The following TARS1 variants were observed in gnomAD, a reference collection of about 807,000 sequenced individuals.
TARS1 encodes threonyl-tRNA synthetase 1, also known as threonine--tRNA ligase 1, cytoplasmic.
A neutral mutation model predicts 97.7 loss-of-function variants in TARS1; 57 were observed. The observed-to-expected ratio is 0.58, with a 90% CI of 0.47 to 0.73. TARS1 has a LOEUF of 0.73. Ranked by LOEUF, TARS1 falls within the 30% of genes least tolerant of loss-of-function variation. The pLI is 0.00. For synonymous variants in TARS1, 312 were observed against 293.7 expected (o/e 1.06, Z -0.64); for missense variants, 806 against 888.3 (o/e 0.91, Z 1.18).
intron 3 of TARS1, among the ~76,000 whole-genome samples, chr5:33,449,287 A>G (rs2642668): frequency 2.6e-5 from 4 of 150,982 alleles, no homozygotes; most frequent in Non-Finnish European, 5.9e-5. Context: ...TCAGTTTATC[A>G]AAATAAGAGT....
At position 33,448,528 on chromosome 5, in the gene TARS1, T is replaced by G. The variant is rs1160047402; in HGVS notation, c.139-13T>G. On this transcript the variant is annotated splice_polypyrimidine_tract_variant and intron_variant, in intron 2 of 18. Transcript: ENST00000265112. ...CTGATCATTTATTTCCTGATTTGTT[T>G]GTTGTCTTGCAGTTGAATCCTTGGC... 1.9e-6 allele frequency: 3 copies of G among 1,545,458 alleles called. No individual in the cohort carries two copies. The highest frequency in any genetic ancestry group is 2.8e-5 in the African/African-American group (2 of 72,308).
intron 4 of TARS1, among the ~76,000 whole-genome samples, chr5:33,454,078 C>T (rs1407151508): frequency 6.6e-6 from 1 of 152,216 alleles, no homozygotes; most frequent in Admixed American, 6.5e-5. Flanking sequence ...TTGAACCTTA[C>T]TTCAAAGCAC....
intron 2 of TARS1, chr5:33,446,276 T>A: frequency 4.1e-6 from 1 of 246,328 alleles, no homozygotes; most frequent in Non-Finnish European, 8.2e-6. Context: ...TACCTAACCA[T>A]TTATCTTACG....
intron 12 of TARS1, 23 bp downstream of exon 12, chr5:33,461,087 T>C: frequency 6.2e-7 from 1 of 1,609,204 alleles, no homozygotes. Flanking sequence ...GGGAATAAAA[T>C]ACTTAGAAAG....
At chr5:33,452,485 A>G in intron 3 of TARS1, 1 of 1,429,684 alleles carries the variant, frequency 7.0e-7, no homozygotes, top group Non-Finnish European at 9.5e-7. Flanking sequence ...TCTGACCTGT[A>G]CTGCTTTCCC....
At chr5:33,442,280 GA>G (rs1256848723) in intron 1 of TARS1, among the ~76,000 whole-genome samples, 2 of 140,584 alleles carry the variant, frequency 1.4e-5, no homozygotes, top group Admixed American at 7.0e-5. Flanking sequence ...ACTATACGTA[GA>G]TTTTTTTCAC....
intron 3 of TARS1, among the ~76,000 whole-genome samples, chr5:33,452,714 A>G (rs1252187832): frequency 6.6e-6 from 1 of 152,180 alleles, no homozygotes; most frequent in African/African-American, 2.4e-5. Context: ...TCTGTCAAAG[A>G]AAGGATCTGG....
intron 3 of TARS1, chr5:33,452,403 C>T: frequency 1.3e-6 from 2 of 1,535,240 alleles, no homozygotes; most frequent in Non-Finnish European, 1.7e-6. Flanking sequence ...GTGGCCATTC[C>T]CTCATCTGGA....
At chr5:33,452,217 C>G in intron 3 of TARS1, 1 of 738,882 alleles carries the variant, frequency 1.4e-6, no homozygotes, top group Non-Finnish European at 2.3e-6. Context: ...AGGGTGTATA[C>G]TTTTTCTTCA....
intron 4 of TARS1, among the ~76,000 whole-genome samples, chr5:33,453,857 T>C (rs1741881085): frequency 6.6e-6 from 1 of 151,842 alleles, no homozygotes; most frequent in African/African-American, 2.4e-5. Context: ...GTAGCTGGGA[T>C]TATAGGAGCG....
At position 33,467,611 on chromosome 5, in the gene TARS1, A is replaced by T; in HGVS notation, c.2075A>T (p.Asp692Val). Reference sequence around the variant, plus strand: ...GGCACTGTTAATATCCGCACAAGAGACAATAAGGTCCACGGGGAACGCACC... The same window carrying T: ...GGCACTGTTAATATCCGCACAAGAGTCAATAAGGTCCACGGGGAACGCACC... Reference protein sequence around the residue: ...ISGTVNIRTRDNKVHGERTIS... With the variant: ...ISGTVNIRTRVNKVHGERTIS... Residue 692 changes from aspartate (D) to valine (V), a missense_variant, in exon 19 of 19, where the codon GAC becomes GTC. Asp to Val is a radical substitution (Grantham distance 152). Coordinates refer to ENST00000265112, the MANE Select transcript of TARS1 (RefSeq NM_152295.5). 6.2e-7 allele frequency: 1 copy of T among 1,613,980 alleles called. No individual in the cohort carries two copies. The highest frequency in any genetic ancestry group is 8.5e-7 in the Non-Finnish European group (1 of 1,179,944).
chr5:33,452,362 CCT>C, intron 3 of TARS1: 1 of 1,535,462 alleles, frequency 6.5e-7, no homozygotes, highest in Non-Finnish European at 8.7e-7. Context: ...CCTGCAAAAA[CCT>C]CTCTTCACTT....
rs768072330 is a variant in TARS1, at chr5:33,455,069, A to G, written c.575+3A>G. On this transcript the variant is annotated splice_donor_region_variant and intron_variant, in intron 5 of 18. Coordinates refer to ENST00000265112, the MANE Select transcript of TARS1 (RefSeq NM_152295.5). Reference sequence around the variant, plus strand: ...TATGACATGTACCTCGAAGAAGGGTAAGCCATCAACTAGATAAAGAAAACT... The same window carrying G: ...TATGACATGTACCTCGAAGAAGGGTGAGCCATCAACTAGATAAAGAAAACT... The G allele has an allele frequency of 8.7e-6, 14 of 1,613,322 alleles. No individual in the cohort carries two copies. Among genetic ancestry groups the G allele is most frequent in the African/African-American group, 1.3e-5 (1 of 74,872 alleles).
In TARS1 at chr5:33,467,050, A is replaced by G; in HGVS notation, c.2023+65A>G. ...CAGGAAAATCTACTGAAACCTTGAG[A>G]CAGGTTTAAGTGAATTGTAATCAAG... On this transcript the variant is annotated intron_variant, in intron 18 of 18. Coordinates refer to ENST00000265112, the MANE Select transcript of TARS1 (RefSeq NM_152295.5). The G allele has an allele frequency of 4.2e-6, 4 of 961,810 alleles. No homozygotes were observed. In the South Asian group the frequency reaches 8.1e-5, roughly 19 times the overall value. The allele number at this position is 961,810 out of a possible 1,614,324, so 59.6% of individuals were successfully genotyped here.
chr5:33,451,325 A>C (rs1053786380), intron 3 of TARS1, among the ~76,000 whole-genome samples: 16 of 151,976 alleles, frequency 1.1e-4, no homozygotes, highest in Non-Finnish European at 2.2e-4. Context: ...CAAAAAAGAC[A>C]TGTTCCATTT....
In TARS1 at chr5:33,448,722, G is replaced by A; in HGVS notation, c.320G>A (p.Cys107Tyr). 6.2e-7 allele frequency: 1 copy of A among 1,612,668 alleles called. No homozygotes were observed. Among genetic ancestry groups the A allele is most frequent in the Non-Finnish European group, 8.5e-7 (1 of 1,179,364 alleles). Reference protein sequence around the residue: ...SWKTTPYQIACGISQGLADNT... With the variant: ...SWKTTPYQIAYGISQGLADNT... ...AAAACTACACCATATCAAATTGCCT[G>A]TGGAATTAGGTATAAGCTACACCCA... The change falls in exon 3 of 19, where the codon TGT becomes TAT. Residue 107 changes from cysteine to tyrosine, a missense_variant. By Grantham distance (194) the Cys-to-Tyr change is radical (BLOSUM62 -2). This residue lies in a region of TARS1 where 356 missense variants were observed against 357.8 expected (regional missense o/e 0.99). Transcript: ENST00000265112.
chr5:33,447,499 G>A (rs1185701610), intron 2 of TARS1, among the ~76,000 whole-genome samples: 1 of 152,108 alleles, frequency 6.6e-6, no homozygotes, highest in Non-Finnish European at 1.5e-5. Context: ...CATCTGCCTT[G>A]GCCTCCCTAA....
rs376574670 is a variant in TARS1 at position 33,461,892 on chromosome 5, T to C, written c.1630-14T>C. 4 of 1,609,366 alleles carry C rather than the reference T, an allele frequency of 2.5e-6. No homozygotes were observed. Among genetic ancestry groups the C allele is most frequent in the Non-Finnish European group, 3.4e-6 (4 of 1,176,022 alleles). On this transcript the variant is annotated splice_polypyrimidine_tract_variant and intron_variant, in intron 14 of 18. Coordinates refer to ENST00000265112, the MANE Select transcript of TARS1 (RefSeq NM_152295.5). ...TCACTGGCATTTTATAATAACCCAGTCTTTGCTTCTTAGATTGACATACAG... is the reference window on the plus strand; with the variant it reads ...TCACTGGCATTTTATAATAACCCAGCCTTTGCTTCTTAGATTGACATACAG...
At chr5:33,459,111 T>G (rs997605447) in intron 10 of TARS1, among the ~76,000 whole-genome samples, 2 of 152,088 alleles carry the variant, frequency 1.3e-5, no homozygotes, top group African/African-American at 4.8e-5. Context: ...AAAAAAAAAT[T>G]AGTTGTTTAA....
Sources: gnomAD v4.1 joint callset for allele counts (sites outside exome capture counted in the v4.1 genomes callset) on GRCh38, gnomAD v4.1.1 for gene constraint, gnomAD v4.1.1 regional missense constraint, MANE v1.5 for transcripts, NCBI Gene and HGNC (gene_info 2026-07-23, HGNC 2026-07-21) for gene names.